The following NEBL variants were observed in gnomAD, a reference collection of about 807,000 sequenced individuals.
NEBL encodes the protein LIM and SH3 protein 2.
In NEBL, 122 loss-of-function variants were observed where a neutral mutation model predicts 140.2. That is an observed-to-expected ratio of 0.87 (90% CI 0.75 to 1.01). The LOEUF (loss-of-function observed/expected upper bound fraction) is 1.01, where lower values mean the gene tolerates loss of function less well. Ranked by LOEUF, NEBL falls within the 50% of genes least tolerant of loss-of-function variation. The probability of loss-of-function intolerance (pLI) is 0.00; values close to 1 mark genes in which losing one functional copy is unlikely to be tolerated. For missense variants in NEBL, 1,365 were observed against 1,231.3 expected, an observed-to-expected ratio of 1.11 and a Z score of -1.62; for synonymous variants, 436 against 398.9, an observed-to-expected ratio of 1.09 and a Z score of -1.11.
At chr10:20,912,387 G>C (rs552864140) in intron 4 of NEBL, among the ~76,000 whole-genome samples, 2 of 152,308 alleles carry the variant, frequency 1.3e-5, no homozygotes, top group South Asian at 4.1e-4. Flanking sequence ...AGGAGTTCAG[G>C]CTGCAATGCG....
At chr10:21,265,464 A>G (rs1480203978) in intron 1 of NEBL, among the ~76,000 whole-genome samples, 1 of 152,142 alleles carries the variant, frequency 6.6e-6, no homozygotes, top group Non-Finnish European at 1.5e-5. Context: ...ATACCCCAAA[A>G]AATAGTCTTT....
At chr10:20,926,774 C>T (rs563862558) in intron 4 of NEBL, among the ~76,000 whole-genome samples, 3 of 152,172 alleles carry the variant, frequency 2.0e-5, no homozygotes, top group Non-Finnish European at 2.9e-5. Flanking sequence ...GCTGAATAAG[C>T]TTTGCTAACA....
chr10:21,117,777 G>A (rs547322938), intron 2 of NEBL, among the ~76,000 whole-genome samples: 50 of 152,146 alleles, frequency 3.3e-4, no homozygotes, highest in African/African-American at 1.1e-3. Flanking sequence ...ATCAACTTTA[G>A]AGAATCAGTT....
chr10:21,284,210 CAAAAAAA>C (rs35693200), intron 1 of NEBL, among the ~76,000 whole-genome samples: 262 of 37,188 alleles, frequency 7.0e-3, no homozygotes, highest in African/African-American at 0.026. Flanking sequence ...ACTCCGTCTC[CAAAAAAA>C]AAAAAAAAAA....
intron 3 of NEBL, among the ~76,000 whole-genome samples, chr10:21,220,206 C>T (rs1319859456): frequency 6.6e-6 from 1 of 152,142 alleles, no homozygotes; most frequent in Non-Finnish European, 1.5e-5. Context: ...AGCCACCATG[C>T]CCGGCGTGAT....
At chr10:20,849,406 T>C (rs955827066) in intron 11 of NEBL, among the ~76,000 whole-genome samples, 25 of 152,182 alleles carry the variant, frequency 1.6e-4, no homozygotes, top group Non-Finnish European at 3.1e-4. Flanking sequence ...AAAGTTCGTG[T>C]GTTGAAAACT....
chr10:21,290,485 A>T (rs913235320), intron 1 of NEBL, among the ~76,000 whole-genome samples: 5 of 152,220 alleles, frequency 3.3e-5, no homozygotes, highest in Admixed American at 1.3e-4. Context: ...CTTCCAAAAA[A>T]AATACAATTG....
At chr10:21,134,057 C>T (rs559192905) in intron 2 of NEBL, among the ~76,000 whole-genome samples, 5 of 152,092 alleles carry the variant, frequency 3.3e-5, no homozygotes, top group Admixed American at 2.6e-4. Flanking sequence ...GAAATTTGGT[C>T]TCTACTAAAA....
chr10:20,809,771 C>A (rs1157785414), intron 25 of NEBL, 35 bp downstream of exon 25: 4 of 1,466,326 alleles, frequency 2.7e-6, no homozygotes, highest in African/African-American at 1.4e-5. Context: ...GGGACAAAAC[C>A]ACATAAATGG....
chr10:21,131,662 G>T (rs1255689547), intron 2 of NEBL, among the ~76,000 whole-genome samples: 1 of 123,722 alleles, frequency 8.1e-6, no homozygotes, highest in African/African-American at 2.9e-5. Context: ...CCTCTGGTGT[G>T]TATGACAGGT....
chr10:20,817,122 G>T (rs1242509114), intron 21 of NEBL, among the ~76,000 whole-genome samples: 1 of 152,118 alleles, frequency 6.6e-6, no homozygotes, highest in Non-Finnish European at 1.5e-5. Context: ...GCACACATCT[G>T]TAATCCCAGC....
At chr10:20,808,998 A>G (rs113525323) in intron 25 of NEBL, among the ~76,000 whole-genome samples, 94 of 152,344 alleles carry the variant, frequency 6.2e-4, no homozygotes, top group African/African-American at 2.2e-3. Flanking sequence ...CACCAGATAT[A>G]TAGTATGTGT....
chr10:20,929,719 G>A (rs1361668111), intron 4 of NEBL, among the ~76,000 whole-genome samples: 4 of 144,018 alleles, frequency 2.8e-5, no homozygotes, highest in African/African-American at 1.0e-4. Context: ...GACATACAGA[G>A]TGGAATAATA....
chr10:21,292,521 C>G (rs1433637287), intron 1 of NEBL, among the ~76,000 whole-genome samples: 2 of 152,108 alleles, frequency 1.3e-5, no homozygotes, highest in African/African-American at 2.4e-5. Context: ...AAGTAACATT[C>G]GGGACTTTTT....
At chr10:21,195,020 G>T (rs937549583) in intron 3 of NEBL, among the ~76,000 whole-genome samples, 1 of 152,060 alleles carries the variant, frequency 6.6e-6, no homozygotes, top group Admixed American at 6.6e-5. Context: ...ACTTGAACAC[G>T]AATGGGACAC....
upstream of NEBL, among the ~76,000 whole-genome samples, chr10:20,902,178 C>A (rs10828144): frequency 1.3e-5 from 2 of 151,742 alleles, no homozygotes; most frequent in African/African-American, 4.8e-5. Context: ...CCGAGACAGG[C>A]GGATCATGAG....
chr10:20,816,278 A>T (rs943226242), intron 21 of NEBL, among the ~76,000 whole-genome samples: 2 of 152,242 alleles, frequency 1.3e-5, no homozygotes, highest in African/African-American at 4.8e-5. Flanking sequence ...ATTTAACCAC[A>T]AAAGGAAATG....
chr10:20,931,769 C>A (rs4748740), intron 4 of NEBL, among the ~76,000 whole-genome samples: 97,030 of 151,930 alleles, frequency 0.64, 31,252 homozygotes, highest in Non-Finnish European at 0.67. Flanking sequence ...CCCACCCCAG[C>A]CCCATATTCT....
intron 3 of NEBL, among the ~76,000 whole-genome samples, chr10:20,996,482 C>T (rs889752366): frequency 2.6e-5 from 4 of 152,106 alleles, no homozygotes; most frequent in Non-Finnish European, 4.4e-5. Context: ...TGGATCGATG[C>T]CTTATCACCA....
Sources: allele counts gnomAD v4.1 joint callset (sites outside exome capture counted in the v4.1 genomes callset), GRCh38; gene constraint gnomAD v4.1.1; transcripts MANE v1.5; gene names NCBI Gene and HGNC (gene_info 2026-07-23, HGNC 2026-07-21).